The following USP7 variants were observed in gnomAD, a reference collection of about 807,000 sequenced individuals.
The protein encoded by USP7 is ubiquitin C-terminal hydrolase 7.
In USP7, 9 loss-of-function variants were observed where a neutral mutation model predicts 162.9. The ratio of observed to expected loss-of-function variants is 0.06; its 90% confidence interval spans 0.03 to 0.10. The LOEUF is 0.10. Ranked by LOEUF, USP7 falls within the 10% of genes least tolerant of loss-of-function variation. The probability of loss-of-function intolerance (pLI) is 1.00; values close to 1 mark genes in which losing one functional copy is unlikely to be tolerated. For missense variants in USP7, 715 were observed against 1,373.7 expected (o/e 0.52, Z 7.58); for synonymous variants, 562 against 475.9 (o/e 1.18, Z -2.35).
intron 20 of USP7, 87 bp downstream of exon 20, chr16:8,900,903 G>T: frequency 1.5e-6 from 2 of 1,379,084 alleles, no homozygotes; most frequent in Non-Finnish European, 2.0e-6. Context: ...ACCTAACACT[G>T]TAACAAATTC....
At chr16:8,911,427 A>G (rs1470544274) in intron 10 of USP7, among the ~76,000 whole-genome samples, 2 of 152,254 alleles carry the variant, frequency 1.3e-5, no homozygotes, top group Admixed American at 1.3e-4. Flanking sequence ...AGGGCGAGCC[A>G]CATGCTGAGT....
At chr16:8,953,619 G>A (rs1180153077) in intron 1 of USP7, among the ~76,000 whole-genome samples, 1 of 42,888 alleles carries the variant, frequency 2.3e-5, no homozygotes, top group Admixed American at 2.8e-4. Context: ...GGGAAGACAC[G>A]TGCCCCGTGC....
At chr16:8,954,811 A>C (rs946664802) in intron 1 of USP7, among the ~76,000 whole-genome samples, 11 of 152,074 alleles carry the variant, frequency 7.2e-5, no homozygotes, top group African/African-American at 2.7e-4. Flanking sequence ...ATACAAAAAA[A>C]TTAGCCGGTG....
chr16:8,924,262 G>A (rs765929914), intron 2 of USP7, among the ~76,000 whole-genome samples: 5 of 152,228 alleles, frequency 3.3e-5, no homozygotes, highest in Non-Finnish European at 7.3e-5. Context: ...CTCCTGCGAA[G>A]GCACAGTCCT....
chr16:8,910,423 C>G (rs1475615795), intron 11 of USP7, among the ~76,000 whole-genome samples: 1 of 151,952 alleles, frequency 6.6e-6, no homozygotes, highest in Non-Finnish European at 1.5e-5. Flanking sequence ...CTAAGAAATC[C>G]CACTTGTGAC....
intron 2 of USP7, among the ~76,000 whole-genome samples, chr16:8,928,086 T>C (rs1223621889): frequency 6.6e-6 from 1 of 152,248 alleles, no homozygotes; most frequent in Non-Finnish European, 1.5e-5. Flanking sequence ...ATAATTCTGA[T>C]ACTTGCCCGA....
intron 15 of USP7, 143 bp from the exon 16 acceptor site, chr16:8,903,545 G>T (rs981275536): frequency 1.8e-6 from 2 of 1,114,868 alleles, no homozygotes; most frequent in Non-Finnish European, 2.5e-6. Flanking sequence ...AAGAAAAACC[G>T]CATAAAATGA....
intron 14 of USP7, among the ~76,000 whole-genome samples, chr16:8,904,788 A>AT (rs569182269): frequency 9.6e-4 from 146 of 151,602 alleles, no homozygotes; most frequent in South Asian, 1.3e-3. Context: ...TACTAAAAAA[A>AT]AAAATAAAAT....
At chr16:8,940,800 C>T (rs541401177) in intron 1 of USP7, among the ~76,000 whole-genome samples, 6 of 152,216 alleles carry the variant, frequency 3.9e-5, no homozygotes, top group East Asian at 1.9e-4. Flanking sequence ...GAATATTAGC[C>T]GGACATGGTG....
At chr16:8,909,137 C>CTCT (rs1335104885) in intron 11 of USP7, among the ~76,000 whole-genome samples, 2 of 152,254 alleles carry the variant, frequency 1.3e-5, no homozygotes, top group African/African-American at 4.8e-5. Context: ...GGACTCTAAG[C>CTCT]TCTTGCCCTG....
intron 1 of USP7, among the ~76,000 whole-genome samples, chr16:8,938,967 C>G (rs1387233099): frequency 6.6e-6 from 1 of 152,062 alleles, no homozygotes; most frequent in African/African-American, 2.4e-5. Flanking sequence ...GTCCTGGAAC[C>G]AATCCACCAT....
intron 1 of USP7, among the ~76,000 whole-genome samples, chr16:8,930,645 T>C: frequency 6.6e-6 from 1 of 152,312 alleles, no homozygotes; most frequent in African/African-American, 2.4e-5. Flanking sequence ...TTATTTGCAA[T>C]GATATTCTGC....
rs1052627809 is a variant in USP7, at chr16:8,916,905, G to A, written c.851+121C>T. 6 of 1,147,634 alleles carry A rather than the reference G, an allele frequency of 5.2e-6. No individual in the cohort carries two copies. In the African/African-American group the frequency reaches 6.5e-5, roughly 12 times the overall value. The allele number at this position is 1,147,634 out of a possible 1,614,324, so 71.1% of individuals were successfully genotyped here. ...AGCACTGACACGATTAAATGCTCAA[G>A]CCTCCCTAAATTAAGTGCCTACAGT... On this transcript the variant is annotated intron_variant, in intron 7 of 30. Coordinates refer to ENST00000344836, the MANE Select transcript of USP7 (RefSeq NM_003470.3).
intron 10 of USP7, among the ~76,000 whole-genome samples, chr16:8,911,517 C>T (rs990639219): frequency 1.3e-5 from 2 of 152,198 alleles, no homozygotes; most frequent in African/African-American, 4.8e-5. Flanking sequence ...GAAGGAAAAA[C>T]GCAACTGCAC....
chr16:8,961,861 G>T (rs764642506), intron 1 of USP7, among the ~76,000 whole-genome samples: 3 of 152,068 alleles, frequency 2.0e-5, no homozygotes, highest in Non-Finnish European at 4.4e-5. Context: ...GCTTTGCTGG[G>T]GCCAAGTGAA....
intron 10 of USP7, among the ~76,000 whole-genome samples, chr16:8,913,801 A>G (rs1007058362): frequency 2.6e-5 from 4 of 151,934 alleles, no homozygotes; most frequent in African/African-American, 9.7e-5. Context: ...CCCAGGCTGC[A>G]GTGCAGTGGC....
chr16:8,908,286 C>A (rs1384166097), intron 12 of USP7, 55 bp downstream of exon 12: 2 of 1,395,282 alleles, frequency 1.4e-6, no homozygotes, highest in Non-Finnish European at 2.0e-6. Context: ...CTGAGACTAA[C>A]CCCCTAGACC....
chr16:8,905,800 T>C (rs938579285), intron 13 of USP7, among the ~76,000 whole-genome samples: 1 of 152,256 alleles, frequency 6.6e-6, no homozygotes, highest in Non-Finnish European at 1.5e-5. Context: ...GAAGTCAACG[T>C]AGCATGTTCC....
chr16:8,959,916 C>G lies in USP7; in HGVS notation c.79+3291G>C, dbSNP rs926459742. On this transcript the variant is annotated intron_variant, in intron 1 of 30. Transcript: ENST00000344836. ...TAAGTGTCATAGAAAAGTCTAACAT[C>G]TATCCCATTCGTCTCAGAGCCGACA... Among the ~76,000 whole-genome samples, 4 of 152,222 alleles carry G rather than the reference C, an allele frequency of 2.6e-5. No homozygotes were observed. In the East Asian group the frequency reaches 5.8e-4, roughly 22 times the overall value.
Sources: gnomAD v4.1 joint callset for allele counts (sites outside exome capture counted in the v4.1 genomes callset) on GRCh38, gnomAD v4.1.1 for gene constraint, MANE v1.5 for transcripts, NCBI Gene and HGNC (gene_info 2026-07-23, HGNC 2026-07-21) for gene names.